Variants in PTPRN2 observed in about 807,000 individuals in gnomAD.
PTPRN2 encodes receptor-type tyrosine-protein phosphatase N2.
In PTPRN2, 74 loss-of-function variants were observed where a neutral mutation model predicts 118.8. That is an observed-to-expected ratio of 0.62 (90% confidence interval 0.52 to 0.76). The LOEUF is 0.76. Among genes scored for constraint, PTPRN2 ranks in the 30% least tolerant of loss-of-function variants. The pLI, the probability that PTPRN2 is intolerant of heterozygous loss-of-function variation, is 0.00. For missense variants in PTPRN2, 1,481 were observed against 1,394.4 expected (o/e 1.06, Z -0.99); for synonymous variants, 641 against 608.0 (o/e 1.05, Z -0.80).
intron 3 of PTPRN2, among the ~76,000 whole-genome samples, chr7:158,259,389 C>T (rs1348366494): frequency 2.0e-5 from 3 of 152,170 alleles, no homozygotes; most frequent in African/African-American, 7.2e-5. Flanking sequence ...TCTCATCCCA[C>T]GTCACAACCC....
chr7:158,578,591 C>T (rs998328397), intron 1 of PTPRN2, among the ~76,000 whole-genome samples: 7 of 150,496 alleles, frequency 4.7e-5, no homozygotes, highest in Non-Finnish European at 8.9e-5. Flanking sequence ...AGGTTTGTTA[C>T]GTGGGTGTAT....
intron 11 of PTPRN2, among the ~76,000 whole-genome samples, chr7:158,048,037 T>A (rs1031568555): frequency 1.3e-5 from 2 of 152,086 alleles, no homozygotes; most frequent in African/African-American, 4.8e-5. Flanking sequence ...GGGGACCCGA[T>A]GGATATCGAA....
chr7:158,516,060 C>G (rs1204974431), intron 1 of PTPRN2, among the ~76,000 whole-genome samples: 1 of 152,220 alleles, frequency 6.6e-6, no homozygotes, highest in African/African-American at 2.4e-5. Flanking sequence ...TCACAGAAGC[C>G]TCTCTGGGCT....
rs1813093307 is a variant in PTPRN2, at chr7:158,403,391, C to A, written c.163+86344G>T. ...GCAGGCAGGAGTGGCAAGGATTCCA[C>A]CCTGACATGCAGGCCCCACCCCAGC... On this transcript the variant is annotated intron_variant, in intron 2 of 22. Transcript: ENST00000389418. 2.6e-5 allele frequency among the ~76,000 whole-genome samples: 4 copies of A among 152,344 alleles called. No homozygotes were observed. The South Asian group carries it at 8.3e-4, about 32-fold the overall frequency.
intron 12 of PTPRN2, among the ~76,000 whole-genome samples, chr7:157,752,947 CCAGA>C (rs1179916404): frequency 2.0e-5 from 3 of 152,204 alleles, no homozygotes; most frequent in Admixed American, 6.5e-5. Flanking sequence ...TGCTGGAAGC[CCAGA>C]CAGTCAGTGA....
intron 2 of PTPRN2, among the ~76,000 whole-genome samples, chr7:158,336,788 C>G (rs1311670980): frequency 2.0e-5 from 2 of 100,952 alleles, no homozygotes; most frequent in African/African-American, 6.9e-5. Flanking sequence ...CACCTGCAGA[C>G]GTCACTCACA....
intron 12 of PTPRN2, among the ~76,000 whole-genome samples, chr7:157,867,331 T>C (rs1381298247): frequency 9.6e-6 from 1 of 104,454 alleles, no homozygotes; most frequent in Non-Finnish European, 1.9e-5. Flanking sequence ...ACCCTGTCCC[T>C]GACACCCTGG....
At chr7:158,549,403 G>A (rs1486201328) in intron 1 of PTPRN2, among the ~76,000 whole-genome samples, 1 of 152,224 alleles carries the variant, frequency 6.6e-6, no homozygotes, top group African/African-American at 2.4e-5. Flanking sequence ...CGGTCCCCCA[G>A]TTGTTGCAGC....
At chr7:158,234,659 C>G (rs1829413250) in intron 3 of PTPRN2, among the ~76,000 whole-genome samples, 1 of 152,168 alleles carries the variant, frequency 6.6e-6, no homozygotes, top group Non-Finnish European at 1.5e-5. Flanking sequence ...AGGTGGTAAA[C>G]AGATATAGTC....
At chr7:158,458,283 G>C (rs1399695224) in intron 2 of PTPRN2, among the ~76,000 whole-genome samples, 1 of 152,240 alleles carries the variant, frequency 6.6e-6, no homozygotes. Context: ...CCAGGAAGTG[G>C]GCCGGGCGAG....
intron 4 of PTPRN2, among the ~76,000 whole-genome samples, chr7:158,201,366 A>T (rs2150734337): frequency 2.0e-5 from 3 of 152,320 alleles, no homozygotes; most frequent in Middle Eastern, 3.4e-3. Context: ...TTCTCATCAG[A>T]TGGGTTTTAT....
chr7:158,279,197 G>C (rs1226630471), intron 3 of PTPRN2, among the ~76,000 whole-genome samples: 2 of 152,222 alleles, frequency 1.3e-5, no homozygotes, highest in Non-Finnish European at 2.9e-5. Flanking sequence ...ACAGAGAGTT[G>C]ATTGGTCCAT....
chr7:158,183,166 C>T (rs1330875778), intron 5 of PTPRN2, among the ~76,000 whole-genome samples: 1 of 152,142 alleles, frequency 6.6e-6, no homozygotes, highest in Non-Finnish European at 1.5e-5. Flanking sequence ...TTTACCTTAA[C>T]TTTATATGCA....
intron 12 of PTPRN2, among the ~76,000 whole-genome samples, chr7:157,828,581 C>T (rs561729639): frequency 4.9e-5 from 7 of 142,942 alleles, no homozygotes; most frequent in African/African-American, 1.6e-4. Flanking sequence ...CAGCAAGACC[C>T]TGAGAGATGT....
intron 15 of PTPRN2, among the ~76,000 whole-genome samples, chr7:157,613,592 C>T (rs1233204699): frequency 6.6e-6 from 1 of 152,206 alleles, no homozygotes; most frequent in African/African-American, 2.4e-5. Flanking sequence ...CCGGCTTGGG[C>T]CTCTTCCCGC....
chr7:158,449,395 A>C (rs1817944131), intron 2 of PTPRN2, among the ~76,000 whole-genome samples: 1 of 152,344 alleles, frequency 6.6e-6, no homozygotes, highest in Admixed American at 6.5e-5. Context: ...TTGCTCGAAG[A>C]GTGGAGTGTC....
rs1239942896 is a variant in PTPRN2, at chr7:158,544,696, C to G, written c.112+42862G>C. Among the ~76,000 whole-genome samples, 1 of 152,060 alleles carries G rather than the reference C, an allele frequency of 6.6e-6. No homozygotes were observed. Among genetic ancestry groups the G allele is most frequent in the Non-Finnish European group, 1.5e-5 (1 of 68,022 alleles). ...ATTTTTTAAAGCTCATAAGCTATCACTGTGTGAGTGTATTTTACGTGTGGT... is the reference window on the plus strand; with the variant it reads ...ATTTTTTAAAGCTCATAAGCTATCAGTGTGTGAGTGTATTTTACGTGTGGT... On this transcript the variant is annotated intron_variant, in intron 1 of 22. Transcript: ENST00000389418. This position sits in a 1 kb window ranked among gnomAD's most constrained non-coding sequence, Gnocchi z 4.2.
intron 3 of PTPRN2, among the ~76,000 whole-genome samples, chr7:158,265,992 C>T (rs1797844452): frequency 6.6e-6 from 1 of 150,698 alleles, no homozygotes; most frequent in South Asian, 2.1e-4. Context: ...GGGTTGGGGA[C>T]CCCTGGTCTG....
chr7:158,007,217 C>T (rs1054258542), intron 11 of PTPRN2, among the ~76,000 whole-genome samples: 1 of 152,214 alleles, frequency 6.6e-6, no homozygotes, highest in Non-Finnish European at 1.5e-5. Context: ...TATGCGGCCC[C>T]GGGTGTTGGC....
Sources: gnomAD v4.1 joint callset for allele counts (sites outside exome capture counted in the v4.1 genomes callset) on GRCh38, gnomAD v4.1.1 for gene constraint, Gnocchi (gnomAD v3.1) non-coding constraint, MANE v1.5 for transcripts, NCBI Gene and HGNC (gene_info 2026-07-23, HGNC 2026-07-21) for gene names.